Variants in COP1 observed in about 807,000 individuals in gnomAD.
COP1 encodes the protein E3 ubiquitin-protein ligase COP1.
Under a neutral mutation model 101.3 loss-of-function variants are expected in COP1, and 24 were observed. That is an observed-to-expected ratio of 0.24 (90% CI 0.17 to 0.33). The LOEUF is 0.33. COP1 is among the 10% of genes least tolerant of loss of function. COP1 has a pLI of 1.00. For synonymous variants in COP1, 347 were observed against 341.9 expected (o/e 1.01, Z -0.17); for missense variants, 663 against 906.2 (o/e 0.73, Z 3.45).
At chr1:175,955,335 A>G (rs538867111) in intron 18 of COP1, among the ~76,000 whole-genome samples, 2 of 152,294 alleles carry the variant, frequency 1.3e-5, no homozygotes, top group East Asian at 1.9e-4. Flanking sequence ...AATAGAAAGG[A>G]ACTTCTTCAA....
intron 3 of COP1, among the ~76,000 whole-genome samples, chr1:176,166,085 G>A (rs1033521182): frequency 1.8e-4 from 28 of 151,964 alleles, no homozygotes; most frequent in Non-Finnish European, 5.9e-5. Flanking sequence ...TTTTTTTCAA[G>A]AGCAACTCTA....
chr1:175,987,227 G>T, intron 17 of COP1, 124 bp from the exon 18 acceptor site: 1 of 513,824 alleles, frequency 1.9e-6, no homozygotes, highest in Non-Finnish European at 3.4e-6. Context: ...AATTTGAAAG[G>T]CTAGATCACA....
At chr1:176,140,349 C>A (rs941792388) in intron 6 of COP1, among the ~76,000 whole-genome samples, 1 of 151,930 alleles carries the variant, frequency 6.6e-6, no homozygotes, top group African/African-American at 2.4e-5. Context: ...AGACAGAATG[C>A]AAAACAAAAT....
chr1:176,099,690 G>C (rs950651223), intron 9 of COP1, among the ~76,000 whole-genome samples: 1 of 152,176 alleles, frequency 6.6e-6, no homozygotes, highest in African/African-American at 2.4e-5. Context: ...AACTTGAAGG[G>C]TATGCTTCCC....
At chr1:175,975,479 G>C (rs187805687) in intron 18 of COP1, among the ~76,000 whole-genome samples, 2 of 151,898 alleles carry the variant, frequency 1.3e-5, no homozygotes. Flanking sequence ...CCACGATCTC[G>C]GCTCACTGCA....
At chr1:176,145,368 G>C (rs1249835043) in intron 6 of COP1, among the ~76,000 whole-genome samples, 2 of 129,938 alleles carry the variant, frequency 1.5e-5, no homozygotes, top group African/African-American at 6.3e-5. Context: ...CAAGAACACA[G>C]TGCAACAGAA....
chr1:176,192,963 T>G (rs1320417946), intron 1 of COP1, among the ~76,000 whole-genome samples: 1 of 152,176 alleles, frequency 6.6e-6, no homozygotes, highest in Non-Finnish European at 1.5e-5. Context: ...TAAACTAGTC[T>G]TCTATTCTTG....
At chr1:175,951,630 C>T (rs1479265191) in intron 18 of COP1, among the ~76,000 whole-genome samples, 1 of 151,734 alleles carries the variant, frequency 6.6e-6, no homozygotes, top group East Asian at 1.9e-4. Context: ...TATAATCACC[C>T]TGGTTTTCTA....
At position 176,085,871 on chromosome 1, in the gene COP1, T is replaced by A; in HGVS notation, c.1046A>T (p.Tyr349Phe). The A allele has an allele frequency of 6.3e-7, 1 of 1,595,582 alleles. No homozygotes were observed. The highest frequency in any genetic ancestry group is 8.6e-7 in the Non-Finnish European group (1 of 1,165,822). Residue 349 changes from tyrosine to phenylalanine, a missense_variant, in exon 10 of 20, where the codon TAT becomes TTT. This residue lies in a region of COP1 where 212 missense variants were observed against 240.7 expected (regional missense o/e 0.88). Transcript: ENST00000367669. ...GSSQTKKQPW[Y>F]NSTLASRRKR... ...TCGTCTTGATGCTAACGTGCTATTATACCAAGGCTGTTTCTTTGTCTAAAA... is the reference window on the plus strand; with the variant it reads ...TCGTCTTGATGCTAACGTGCTATTAAACCAAGGCTGTTTCTTTGTCTAAAA...
intron 3 of COP1, chr1:176,168,784 G>A: frequency 4.4e-6 from 1 of 229,746 alleles, no homozygotes; most frequent in Admixed American, 5.0e-5. Context: ...AAGAGAATGA[G>A]AGAAAATGCT....
chr1:176,021,492 T>C (rs1242997420), intron 15 of COP1, among the ~76,000 whole-genome samples: 1 of 152,218 alleles, frequency 6.6e-6, no homozygotes, highest in East Asian at 1.9e-4. Context: ...ACTTCTGCTT[T>C]AAGGATTAAA....
intron 11 of COP1, among the ~76,000 whole-genome samples, chr1:176,067,392 TA>T (rs1339377102): frequency 6.6e-6 from 1 of 152,106 alleles, no homozygotes; most frequent in Non-Finnish European, 1.5e-5. Flanking sequence ...CCTGCACCTA[TA>T]AAAACTCCGA....
chr1:175,995,862 A>C (rs969960430), intron 15 of COP1, among the ~76,000 whole-genome samples: 3 of 152,186 alleles, frequency 2.0e-5, no homozygotes, highest in Non-Finnish European at 4.4e-5. Context: ...ATTCCAATCA[A>C]CAGAAAAAGA....
chr1:176,202,475 C>G (rs1421163207), intron 1 of COP1, among the ~76,000 whole-genome samples: 2 of 151,980 alleles, frequency 1.3e-5, no homozygotes, highest in Admixed American at 1.3e-4. Flanking sequence ...AGGCGTGAAC[C>G]AAGGTGCCCA....
intron 3 of COP1, 28 bp from the exon 4 acceptor site, chr1:176,163,919 C>T (rs1405736092): frequency 1.1e-5 from 16 of 1,473,000 alleles, no homozygotes; most frequent in Non-Finnish European, 1.3e-5. Flanking sequence ...ATAAAAAGCA[C>T]ACATAATTTG....
chr1:176,063,403 A>C (rs1675336793), intron 11 of COP1, among the ~76,000 whole-genome samples: 1 of 152,144 alleles, frequency 6.6e-6, no homozygotes, highest in Non-Finnish European at 1.5e-5. Flanking sequence ...CAACTATCAA[A>C]ATTCAAACTT....
At chr1:175,950,711 A>G (rs1046364290) in intron 18 of COP1, among the ~76,000 whole-genome samples, 1 of 152,218 alleles carries the variant, frequency 6.6e-6, no homozygotes, top group Non-Finnish European at 1.5e-5. Flanking sequence ...CTAAGCTAAT[A>G]AAATACCCAA....
At chr1:176,084,342 A>G (rs1679727196) in intron 10 of COP1, among the ~76,000 whole-genome samples, 1 of 152,172 alleles carries the variant, frequency 6.6e-6, no homozygotes, top group African/African-American at 2.4e-5. Context: ...ACTTTTTCCA[A>G]CGAAATAAGA....
intron 11 of COP1, among the ~76,000 whole-genome samples, chr1:176,078,064 A>G (rs993461429): frequency 6.6e-6 from 1 of 152,226 alleles, no homozygotes; most frequent in Non-Finnish European, 1.5e-5. Context: ...TAAAATGGCA[A>G]TATTGTTCAA....
Sources: allele counts gnomAD v4.1 joint callset (sites outside exome capture counted in the v4.1 genomes callset), GRCh38; gene constraint gnomAD v4.1.1; regional missense constraint gnomAD v4.1.1; transcripts MANE v1.5; gene names NCBI Gene and HGNC (gene_info 2026-07-23, HGNC 2026-07-21).